The following SCN7A variants were observed in gnomAD, a reference collection of about 807,000 sequenced individuals.
SCN7A encodes sodium voltage-gated channel alpha subunit 7.
SCN7A carries 138 observed loss-of-function variants against 155.2 expected under a neutral mutation model. That is an observed-to-expected ratio of 0.89 (90% CI 0.77 to 1.02). SCN7A has a LOEUF of 1.02. Among genes scored for constraint, SCN7A ranks in the 50% least tolerant of loss-of-function variants. The pLI is 0.00. For synonymous variants in SCN7A, 693 were observed against 649.0 expected (o/e 1.07, Z -1.03); for missense variants, 2,058 against 1,986.6 (o/e 1.04, Z -0.68).
intron 11 of SCN7A, among the ~76,000 whole-genome samples, chr2:166,455,363 A>G (rs1050297164): frequency 1.4e-5 from 2 of 144,210 alleles, no homozygotes; most frequent in Admixed American, 6.9e-5. Flanking sequence ...GAAGCATTAG[A>G]AAAAAAAAAA....
At chr2:166,432,246 G>A in intron 16 of SCN7A, 72 bp downstream of exon 16, 8 of 1,220,524 alleles carry the variant, frequency 6.6e-6, no homozygotes, top group South Asian at 4.5e-5. Flanking sequence ...GTGGAACTTC[G>A]GCGCTGATTT....
At chr2:166,475,097 T>TATATATGTATATATATATATAC (rs1322666574) in intron 3 of SCN7A, among the ~76,000 whole-genome samples, 4 of 102,032 alleles carry the variant, frequency 3.9e-5, no homozygotes, top group African/African-American at 1.6e-4. Context: ...TATATACACA[T>TATATATGTATATATATATATAC]ATATATGTAT....
chr2:166,405,625 A>G lies in SCN7A; in HGVS notation c.5004T>C (p.Tyr1668=). ...GTGACTTTTCCTTAGCTTTGTCAAA[A>G]TAGGCACCTTCTTTAGTAGCATGAA... The part of the protein sequence containing the change: ...RDVHATKEGA[Y]FDKAKEKSPI... Residue 1668 remains tyrosine (Y), a synonymous_variant, in exon 26 of 26, where the codon TAT becomes TAC. Transcript: ENST00000643258. 6.2e-7 allele frequency: 1 copy of G among 1,606,828 alleles called. No homozygotes were observed. The highest frequency in any genetic ancestry group is 1.7e-5 in the Admixed American group (1 of 58,968).
chr2:166,443,742 C>T, intron 13 of SCN7A, 66 bp from the exon 14 acceptor site: 1 of 1,187,928 alleles, frequency 8.4e-7, no homozygotes, highest in Non-Finnish European at 1.2e-6. Flanking sequence ...TCTTCACACA[C>T]AAAATCTGTG....
intron 11 of SCN7A, 107 bp from the exon 12 acceptor site, chr2:166,447,815 T>C (rs1702097206): frequency 4.2e-6 from 3 of 714,736 alleles, no homozygotes; most frequent in Non-Finnish European, 7.2e-6. Flanking sequence ...TCCCGGAGCC[T>C]TTTCTTTTTA....
At chr2:166,409,998 CT>C in intron 24 of SCN7A, 63 bp from the exon 25 acceptor site, 1 of 1,356,102 alleles carries the variant, frequency 7.4e-7, no homozygotes, top group Non-Finnish European at 9.8e-7. Flanking sequence ...TATATATGGT[CT>C]TTTATACACT....
At chr2:166,463,654 T>G in intron 9 of SCN7A, among the ~76,000 whole-genome samples, 1 of 152,068 alleles carries the variant, frequency 6.6e-6, no homozygotes. Flanking sequence ...GGAATGTACA[T>G]AAAAGGAATT....
At chr2:166,474,144 A>G in intron 4 of SCN7A, 82 bp downstream of exon 4, 1 of 633,320 alleles carries the variant, frequency 1.6e-6, no homozygotes, top group Non-Finnish European at 2.6e-6. Context: ...AGAGAAAAAT[A>G]CTGCAGAAAT....
rs2105437710 is a variant in SCN7A at position 166,443,546 on chromosome 2, A to G, written c.1757T>C (p.Leu586Pro). Residue 586 changes from leucine to proline, a missense_variant, in exon 14 of 26, where the codon CTA becomes CCA. Coordinates refer to ENST00000643258, the MANE Select transcript of SCN7A (RefSeq NM_002976.4). Reference sequence around the variant, plus strand: ...AAGAGCCATTCCTGCAACATTTGCTAGACAAAGTTCTATTAAACCATGGAA... The same window carrying G: ...AAGAGCCATTCCTGCAACATTTGCTGGACAAAGTTCTATTAAACCATGGAA... Reference protein sequence around the residue: ...IVFHGLIELCLANVAGMALLR... With the variant: ...IVFHGLIELCPANVAGMALLR... The G allele has an allele frequency of 1.3e-6, 2 of 1,595,924 alleles. No individual in the cohort carries two copies. Among genetic ancestry groups the G allele is most frequent in the Non-Finnish European group, 1.7e-6 (2 of 1,171,324 alleles).
intron 11 of SCN7A, 110 bp downstream of exon 11, chr2:166,456,760 C>T (rs1702283820): frequency 1.9e-6 from 1 of 520,114 alleles, no homozygotes; most frequent in East Asian, 4.6e-5. Context: ...GAGCCTAAGC[C>T]ATAGAATCAT....
chr2:166,439,682 G>A (rs1362842589), intron 15 of SCN7A, among the ~76,000 whole-genome samples: 4 of 152,148 alleles, frequency 2.6e-5, no homozygotes, highest in South Asian at 2.1e-4. Context: ...AATGAAAAGT[G>A]TACTACTGTA....
chr2:166,471,780 G>T (rs964097758), intron 6 of SCN7A, among the ~76,000 whole-genome samples: 4 of 151,362 alleles, frequency 2.6e-5, no homozygotes, highest in African/African-American at 9.7e-5. Flanking sequence ...ATATTTACTG[G>T]TCTTATGCAA....
At chr2:166,438,306 T>TC (rs1175896853) in intron 15 of SCN7A, among the ~76,000 whole-genome samples, 5 of 152,136 alleles carry the variant, frequency 3.3e-5, no homozygotes, top group Non-Finnish European at 5.9e-5. Flanking sequence ...CATGCCTGCT[T>TC]CCCCTTCTGC....
chr2:166,452,849 T>A (rs1559112286), intron 11 of SCN7A, among the ~76,000 whole-genome samples: 1 of 152,180 alleles, frequency 6.6e-6, no homozygotes, highest in Non-Finnish European at 1.5e-5. Flanking sequence ...ACTTGAAAAT[T>A]CATGATGGTA....
In SCN7A at chr2:166,441,643, A is replaced by C. The variant is rs767857289; in HGVS notation, c.1910T>G (p.Phe637Cys). 9.3e-6 allele frequency: 15 copies of C among 1,613,770 alleles called. No homozygotes were observed. Among genetic ancestry groups the C allele is most frequent in the Admixed American group, 6.7e-5 (4 of 59,984 alleles). Residue 637 changes from phenylalanine (F) to cysteine (C), a missense_variant, in exon 15 of 26, where the codon TTC becomes TGC. Physicochemically the swap from Phe to Cys is radical, Grantham distance 205. Transcript: ENST00000643258. ...LKDLVLLLFT[F>C]IFFSAAFGMK... The stretch of plus-strand genomic sequence containing the variant: ...GCCGAATGCAGCAGAAAAGAAGATG[A>C]ATGTGAACAACAACAGGACCAAGTC...
rs1211196452 is a variant in SCN7A, at chr2:166,416,777, G to A, written c.3344C>T (p.Ser1115Phe). The change falls in exon 21 of 26, where the codon TCC becomes TTC. Residue 1115 changes from serine to phenylalanine, a missense_variant. By Grantham distance (155) the Ser-to-Phe change is radical. Coordinates refer to ENST00000643258, the MANE Select transcript of SCN7A (RefSeq NM_002976.4). ...CATTTTTGCATTTTCCCATAGCATG[G>A]ATTCGTTAAACAGAAGGCTTTCACA... ...SRCESLLFNE[S>F]MLWENAKMNF... The A allele has an allele frequency of 6.2e-7, 1 of 1,613,146 alleles. No homozygotes were observed. The highest frequency in any genetic ancestry group is 8.5e-7 in the Non-Finnish European group (1 of 1,179,554).
intron 18 of SCN7A, among the ~76,000 whole-genome samples, chr2:166,424,389 A>G (rs1701576566): frequency 6.6e-6 from 1 of 152,112 alleles, no homozygotes; most frequent in Admixed American, 6.6e-5. Context: ...AACCAGAAAA[A>G]CAGTACGAAG....
At chr2:166,452,309 T>C (rs1348464411) in intron 11 of SCN7A, among the ~76,000 whole-genome samples, 2 of 152,102 alleles carry the variant, frequency 1.3e-5, no homozygotes, top group East Asian at 1.9e-4. Context: ...AAAAAAGCAA[T>C]TGGATCAAGA....
At chr2:166,458,090 C>T (rs547044448) in intron 10 of SCN7A, among the ~76,000 whole-genome samples, 1 of 152,018 alleles carries the variant, frequency 6.6e-6, no homozygotes, top group African/African-American at 2.4e-5. Context: ...CACTGAAGTA[C>T]CTGTTATTTA....
Sources: gnomAD v4.1 joint callset for allele counts (sites outside exome capture counted in the v4.1 genomes callset) on GRCh38, gnomAD v4.1.1 for gene constraint, MANE v1.5 for transcripts, NCBI Gene and HGNC (gene_info 2026-07-23, HGNC 2026-07-21) for gene names.